The following HDHD5 variants were observed in gnomAD, a reference collection of about 807,000 sequenced individuals.
HDHD5 encodes the protein haloacid dehalogenase-like hydrolase domain-containing 5.
Under a neutral mutation model 35.5 loss-of-function variants are expected in HDHD5, and 34 were observed. That is an observed-to-expected ratio of 0.96 (90% confidence interval 0.73 to 1.28). The LOEUF is 1.28. HDHD5 is among the 50% of genes most tolerant of loss of function. The pLI is 0.00. For missense variants in HDHD5, 589 were observed against 560.2 expected (o/e 1.05, Z -0.52); for synonymous variants, 248 against 240.6 (o/e 1.03, Z -0.29).
chr22:17,163,711 A>C (rs2061876337), upstream of HDHD5, among the ~76,000 whole-genome samples: 1 of 152,144 alleles, frequency 6.6e-6, no homozygotes, highest in African/African-American at 2.4e-5. Context: ...AACCCCATAA[A>C]ACAGCAGCCA....
chr22:17,163,496 G>A (rs114614358), upstream of HDHD5, among the ~76,000 whole-genome samples: 1,747 of 152,264 alleles, frequency 0.011, 36 homozygotes, highest in African/African-American at 0.039. Flanking sequence ...CGCTGGACCA[G>A]TATGTTCTGG....
In HDHD5 at chr22:17,143,014, CAGGCAGTCACACTGAG is replaced by C. The variant is rs1200812088; in HGVS notation, c.571+68_571+83del. Reference sequence around the variant, plus strand: ...GGCCCCTTGCTGCTGAACCAGGCTGCAGGCAGTCACACTGAGACAGCCTGAGGGCCAGAGAGGAGAC... The same window carrying C: ...GGCCCCTTGCTGCTGAACCAGGCTGCACAGCCTGAGGGCCAGAGAGGAGAC... On this transcript the variant is annotated intron_variant, in intron 5 of 7. Coordinates refer to ENST00000336737, the MANE Select transcript of HDHD5 (RefSeq NM_033070.3). 4.7e-6 allele frequency: 7 copies of C among 1,485,148 alleles called. No individual in the cohort carries two copies. In the African/African-American group the frequency reaches 9.9e-5, roughly 21 times the overall value. 92.0% of individuals were successfully genotyped at this position (1,485,148 alleles called of 1,614,324 possible).
chr22:17,143,006 C>G (rs544826643), intron 5 of HDHD5, 92 bp downstream of exon 5: 30 of 1,437,832 alleles, frequency 2.1e-5, no homozygotes, highest in Non-Finnish European at 2.8e-5. Flanking sequence ...TGCTGCTGAA[C>G]CAGGCTGCAG....
chr22:17,140,544 C>G (rs2061588159), intron 6 of HDHD5, among the ~76,000 whole-genome samples: 1 of 152,164 alleles, frequency 6.6e-6, no homozygotes, highest in South Asian at 2.1e-4. Context: ...ATGACTGCAC[C>G]ACTGCACTCC....
At position 17,149,657 on chromosome 22, in the gene HDHD5, C is replaced by T. The variant is rs755953773; in HGVS notation, c.215G>A (p.Arg72Gln). The change falls in exon 2 of 8, where the codon CGA becomes CAA. Residue 72 changes from arginine (R) to glutamine (Q), a missense_variant. Coordinates refer to ENST00000336737, the MANE Select transcript of HDHD5 (RefSeq NM_033070.3). ...RVIPAALKAF[R>Q]RLVNSQGQLR... Reference sequence around the variant, plus strand: ...CTGCCCCTGGGAGTTCACCAGCCTTCGGAAGGCTTTCAGAGCAGCAGGGAT... The same window carrying T: ...CTGCCCCTGGGAGTTCACCAGCCTTTGGAAGGCTTTCAGAGCAGCAGGGAT... The T allele has an allele frequency of 8.7e-6, 14 of 1,613,894 alleles. No individual in the cohort carries two copies. Among genetic ancestry groups the T allele is most frequent in the Admixed American group, 6.7e-5 (4 of 60,030 alleles).
At chr22:17,152,928 G>A (rs1436833045) in intron 1 of HDHD5, among the ~76,000 whole-genome samples, 1 of 152,024 alleles carries the variant, frequency 6.6e-6, no homozygotes, top group African/African-American at 2.4e-5. Flanking sequence ...GACAGCTACA[G>A]AGCCAAGCAG....
intron 5 of HDHD5, chr22:17,141,563 C>T: frequency 1.8e-6 from 2 of 1,138,310 alleles, no homozygotes; most frequent in Non-Finnish European, 2.2e-6. Flanking sequence ...TTCTCCCTCA[C>T]ATGACTTAGC....
chr22:17,154,151 C>T (rs1286948159), intron 1 of HDHD5, among the ~76,000 whole-genome samples: 3 of 150,694 alleles, frequency 2.0e-5, no homozygotes, highest in East Asian at 4.0e-4. Flanking sequence ...CGTGAGCCAC[C>T]GCGCCCAGCC....
chr22:17,165,105 G>T (rs1342273975), intron 1 of HDHD5: 3 of 710,010 alleles, frequency 4.2e-6, no homozygotes, highest in Admixed American at 2.0e-5. Flanking sequence ...TCTCTGTAGG[G>T]AAGGGATACA....
In HDHD5 at chr22:17,138,325, T is replaced by C. The variant is rs1357078784; in HGVS notation, c.968A>G (p.Asn323Ser). ...CTTCTGCAGGTACTGGTGGAACAGG[T>C]TGGCGCCGTATACGTCAGACATAGG... is the stretch of plus-strand genomic sequence containing the variant. ...DNPMSDVYGANLFHQYLQKAT... is the reference protein window; with the variant it reads ...DNPMSDVYGASLFHQYLQKAT... The change falls in exon 8 of 8, where the codon AAC becomes AGC. Residue 323 changes from asparagine to serine, a missense_variant. Coordinates refer to ENST00000336737, the MANE Select transcript of HDHD5 (RefSeq NM_033070.3). The C allele has an allele frequency of 3.7e-6, 6 of 1,613,946 alleles. No homozygotes were observed. Among genetic ancestry groups the C allele is most frequent in the Non-Finnish European group, 5.1e-6 (6 of 1,179,984 alleles).
At chr22:17,140,922 T>C (rs1415644183) in intron 6 of HDHD5, 137 bp downstream of exon 6, 1 of 700,688 alleles carries the variant, frequency 1.4e-6, no homozygotes, top group Non-Finnish European at 2.3e-6. Flanking sequence ...GCCAGGTTAC[T>C]GCAGCAACAA....
At chr22:17,145,412 C>T (rs1380227349) in intron 3 of HDHD5, among the ~76,000 whole-genome samples, 1 of 152,228 alleles carries the variant, frequency 6.6e-6, no homozygotes, top group African/African-American at 2.4e-5. Context: ...ACATAAGAAT[C>T]TCTGTCCCCA....
intron 4 of HDHD5, among the ~76,000 whole-genome samples, chr22:17,144,216 A>G (rs1200572818): frequency 6.6e-6 from 1 of 151,850 alleles, no homozygotes; most frequent in Non-Finnish European, 1.5e-5. Context: ...TAAGCAATAC[A>G]GAGAGGACAG....
At position 17,148,654 on chromosome 22, in the gene HDHD5, G is replaced by A. The variant is rs201412205; in HGVS notation, c.331-94C>T. ...TGGCAGGTCCTTTAGCCTAGGGAAG[G>A]AAAAAACCCGCTCAGAAAAAGAACG... On this transcript the variant is annotated intron_variant, in intron 2 of 7. Transcript: ENST00000336737. The A allele has an allele frequency of 3.3e-6, 3 of 896,392 alleles. No individual in the cohort carries two copies. In the Admixed American group the frequency reaches 6.3e-5, roughly 19 times the overall value. The allele number at this position is 896,392 out of a possible 1,614,324, so 55.5% of individuals were successfully genotyped here. A position where few individuals can be genotyped will look rare whatever the true frequency, so the allele number is the denominator to read the frequency against.
intron 1 of HDHD5, among the ~76,000 whole-genome samples, chr22:17,151,111 G>A (rs2061720119): frequency 6.6e-6 from 1 of 152,138 alleles, no homozygotes; most frequent in Non-Finnish European, 1.5e-5. Context: ...TCAAAAACAT[G>A]TCCACTGGCA....
upstream of HDHD5, among the ~76,000 whole-genome samples, chr22:17,162,205 G>A (rs115836823): frequency 1.0e-3 from 158 of 152,272 alleles, no homozygotes; most frequent in African/African-American, 3.2e-3. Flanking sequence ...CATTCCTGGC[G>A]GAACCCTTGA....
chr22:17,141,728 C>T (rs35336534), intron 5 of HDHD5: 99,268 of 490,240 alleles, frequency 0.2, 10,965 homozygotes, highest in Middle Eastern at 0.27. Context: ...CTTCTCTTCT[C>T]TAAGCCTCAG....
At chr22:17,160,650 A>G (rs1347431321), upstream of HDHD5, among the ~76,000 whole-genome samples, 3 of 55,250 alleles carry the variant, frequency 5.4e-5, no homozygotes, top group Non-Finnish European at 7.7e-5. Flanking sequence ...CTCCGTCTTG[A>G]AAAAAAAAAA....
chr22:17,149,459 A>T, intron 2 of HDHD5, 83 bp downstream of exon 2: 1 of 1,338,174 alleles, frequency 7.5e-7, no homozygotes, highest in Non-Finnish European at 1.0e-6. Flanking sequence ...ATCCCAACCC[A>T]GGGGAAAGGG....
Sources: allele counts gnomAD v4.1 joint callset (sites outside exome capture counted in the v4.1 genomes callset), GRCh38; gene constraint gnomAD v4.1.1; transcripts MANE v1.5; gene names NCBI Gene and HGNC (gene_info 2026-07-23, HGNC 2026-07-21).